The following ANKRD7 variants were observed in gnomAD, a reference collection of about 807,000 sequenced individuals.
ANKRD7 encodes the protein ankyrin repeat domain-containing protein 7.
A neutral mutation model predicts 30.8 loss-of-function variants in ANKRD7; 30 were observed. The ratio of observed to expected loss-of-function variants is 0.97; its 90% CI spans 0.73 to 1.32. The LOEUF is 1.32. ANKRD7 is among the 40% of genes most tolerant of loss of function. The pLI is 0.00. For synonymous variants in ANKRD7, 97 were observed against 106.6 expected, an observed-to-expected ratio of 0.91 and a Z score of 0.55; for missense variants, 264 against 295.7, an observed-to-expected ratio of 0.89 and a Z score of 0.79.
At chr7:118,239,668 G>GAT (rs1423181855) in intron 5 of ANKRD7, among the ~76,000 whole-genome samples, 1 of 152,146 alleles carries the variant, frequency 6.6e-6, no homozygotes, top group African/African-American at 2.4e-5. Context: ...TTACTATCTT[G>GAT]ATAGTGGCTT....
At chr7:118,225,658 A>G (rs1163026702) in intron 1 of ANKRD7, among the ~76,000 whole-genome samples, 3 of 152,072 alleles carry the variant, frequency 2.0e-5, no homozygotes, top group Non-Finnish European at 4.4e-5. Context: ...TGCTAATGGG[A>G]GAATAGGAAA....
intron 1 of ANKRD7, among the ~76,000 whole-genome samples, chr7:118,229,484 A>G (rs1305722847): frequency 6.6e-6 from 1 of 152,162 alleles, no homozygotes; most frequent in East Asian, 1.9e-4. Context: ...CTGCCTAGCC[A>G]TAGTGAGCGC....
intron 6 of ANKRD7, 66 bp downstream of exon 6, chr7:118,240,064 G>C: frequency 1.1e-6 from 1 of 885,022 alleles, no homozygotes; most frequent in Non-Finnish European, 1.6e-6. Context: ...TTTTAGGAAA[G>C]GAAACAACTT....
chr7:118,228,445 AG>A (rs371533531), intron 1 of ANKRD7, among the ~76,000 whole-genome samples: 1 of 152,078 alleles, frequency 6.6e-6, no homozygotes, highest in African/African-American at 2.4e-5. Flanking sequence ...TGATTCATAC[AG>A]TTTATAAATT....
chr7:118,226,417 C>G (rs1809542728), intron 1 of ANKRD7, among the ~76,000 whole-genome samples: 1 of 152,162 alleles, frequency 6.6e-6, no homozygotes. Context: ...CAGAACTTAA[C>G]TATAAATAGC....
chr7:118,232,519 G>A (rs1169370623), intron 1 of ANKRD7, among the ~76,000 whole-genome samples: 1 of 151,922 alleles, frequency 6.6e-6, no homozygotes, highest in Non-Finnish European at 1.5e-5. Context: ...ATCTTTCATG[G>A]CTATTTTATT....
rs565779585 is a variant in ANKRD7 at position 118,224,922 on chromosome 7, G to C, written c.92G>C (p.Arg31Thr). The C allele has an allele frequency of 6.2e-7, 1 of 1,614,200 alleles. No individual in the cohort carries two copies. The highest frequency in any genetic ancestry group is 8.5e-7 in the Non-Finnish European group (1 of 1,180,038). ...GAAAAGGATTTAAAGAAACTTCACA[G>C]AGCTGCTTCAGTCGGGGATTTGAAG... ...LREKDLKKLH[R>T]AASVGDLKKL... Residue 31 changes from arginine to threonine, a missense_variant, in exon 1 of 7, where the codon AGA (arginine) becomes ACA (threonine). Physicochemically the swap from Arg to Thr is moderately conservative, Grantham distance 71. Coordinates refer to ENST00000265224, the MANE Select transcript of ANKRD7 (RefSeq NM_019644.4).
intron 1 of ANKRD7, among the ~76,000 whole-genome samples, chr7:118,225,633 T>C (rs1374975618): frequency 6.6e-6 from 1 of 152,138 alleles, no homozygotes; most frequent in African/African-American, 2.4e-5. Flanking sequence ...CCCCAGGCAC[T>C]AAGATGTACA....
chr7:118,228,155 T>C (rs1008782447), intron 1 of ANKRD7, among the ~76,000 whole-genome samples: 2 of 152,208 alleles, frequency 1.3e-5, no homozygotes, highest in Non-Finnish European at 2.9e-5. Flanking sequence ...TGGACACTTC[T>C]TTTGAGACTC....
intron 4 of ANKRD7, 60 bp downstream of exon 4, chr7:118,236,207 C>CGTTTGTGTGTGT: frequency 1.7e-6 from 1 of 595,866 alleles, no homozygotes; most frequent in South Asian, 2.0e-5. Context: ...TGTGTGTGTG[C>CGTTTGTGTGTGT]GTATGTGTGT....
rs1257630291 is a variant in ANKRD7 at position 118,236,774 on chromosome 7, C to G, written c.576-16C>G. 2 of 1,606,664 alleles carry G rather than the reference C, an allele frequency of 1.2e-6. No individual in the cohort carries two copies. Among genetic ancestry groups the G allele is most frequent in the Non-Finnish European group, 8.5e-7 (1 of 1,177,186 alleles). ...AAGATCTTTACATGGGCATTCATTT[C>G]TATCTCTTGCTCCAGAACAGCCCTT... On this transcript the variant is annotated splice_polypyrimidine_tract_variant and intron_variant, in intron 4 of 6. Transcript: ENST00000265224.
At chr7:118,239,827 A>G in intron 5 of ANKRD7, 82 bp from the exon 6 acceptor site, 3 of 846,472 alleles carry the variant, frequency 3.5e-6, no homozygotes, top group Non-Finnish European at 3.6e-6. Context: ...ATTGGCTGGT[A>G]CCTAAGGTTT....
chr7:118,240,994 A>G (rs1168272311), intron 6 of ANKRD7, among the ~76,000 whole-genome samples: 2 of 149,874 alleles, frequency 1.3e-5, no homozygotes, highest in Non-Finnish European at 3.0e-5. Flanking sequence ...CTCTACTAAA[A>G]ATACAAAAAA....
intron 1 of ANKRD7, among the ~76,000 whole-genome samples, chr7:118,231,574 G>A (rs1309423731): frequency 1.3e-5 from 2 of 152,016 alleles, no homozygotes; most frequent in East Asian, 3.9e-4. Context: ...ACTTAAAAAG[G>A]GCATTCTCAT....
At chr7:118,237,853 C>T (rs1584726281) in intron 5 of ANKRD7, among the ~76,000 whole-genome samples, 1 of 151,968 alleles carries the variant, frequency 6.6e-6, no homozygotes, top group African/African-American at 2.4e-5. Context: ...TTTAAGCAGA[C>T]CATATGCATA....
intron 1 of ANKRD7, among the ~76,000 whole-genome samples, chr7:118,231,081 G>C (rs1809630198): frequency 6.6e-6 from 1 of 152,026 alleles, no homozygotes; most frequent in South Asian, 2.1e-4. Context: ...GTCAAGATCT[G>C]AGTTTGAGGC....
At chr7:118,235,473 G>T (rs943627441) in intron 3 of ANKRD7, among the ~76,000 whole-genome samples, 1 of 151,914 alleles carries the variant, frequency 6.6e-6, no homozygotes, top group African/African-American at 2.4e-5. Context: ...TTAGCTGGTC[G>T]TCGTGGTAGG....
intron 1 of ANKRD7, among the ~76,000 whole-genome samples, chr7:118,228,524 G>T (rs1809581964): frequency 6.6e-6 from 1 of 152,122 alleles, no homozygotes; most frequent in African/African-American, 2.4e-5. Context: ...TTAACAGTTA[G>T]CTTGTAAGAA....
intron 1 of ANKRD7, among the ~76,000 whole-genome samples, chr7:118,226,688 G>A (rs1214866025): frequency 1.3e-5 from 2 of 152,118 alleles, no homozygotes; most frequent in African/African-American, 4.8e-5. Context: ...GTATTTTTTG[G>A]TAGTAAATGA....
Sources: allele counts gnomAD v4.1 joint callset (sites outside exome capture counted in the v4.1 genomes callset), GRCh38; gene constraint gnomAD v4.1.1; transcripts MANE v1.5; gene names NCBI Gene and HGNC (gene_info 2026-07-23, HGNC 2026-07-21).